The following DHH variants were observed in gnomAD, a reference collection of about 807,000 sequenced individuals.
DHH encodes desert hedgehog protein.
In DHH, 16 loss-of-function variants were observed where a neutral mutation model predicts 27.6. The observed-to-expected ratio is 0.58, with a 90% CI of 0.39 to 0.88. The LOEUF is 0.88. DHH is among the 40% of genes least tolerant of loss of function. DHH has a pLI of 0.00. For synonymous variants in DHH, 289 were observed against 263.4 expected, an observed-to-expected ratio of 1.10 and a Z score of -0.94; for missense variants, 436 against 563.1, an observed-to-expected ratio of 0.77 and a Z score of 2.28.
chr12:49,088,803 C>T lies in DHH; in HGVS notation c.*1056G>A, dbSNP rs1939247214. 6.6e-6 allele frequency among the ~76,000 whole-genome samples: 1 copy of T among 152,254 alleles called. No homozygotes were observed. Among genetic ancestry groups the T allele is most frequent in the African/African-American group, 2.4e-5 (1 of 41,534 alleles). ...AGCTCGGGTTGTAATGCTGATATGC[C>T]CTTGTTTAGGGAATCTACTTCCCCC... On this transcript the variant is annotated 3_prime_UTR_variant, in exon 3 of 3. Transcript: ENST00000649637.
At position 49,089,823 on chromosome 12, in the gene DHH, T is replaced by G; in HGVS notation, c.*36A>C. On this transcript the variant is annotated 3_prime_UTR_variant, in exon 3 of 3. Coordinates refer to ENST00000649637, the MANE Select transcript of DHH (RefSeq NM_021044.4). ...ATATCTCAGCCAGCAGGCCCTCGTT[T>G]CCTCGGGCGCTTCGAGGTTTCTATG... 6.7e-7 allele frequency: 1 copy of G among 1,499,554 alleles called. No individual in the cohort carries two copies. The highest frequency in any genetic ancestry group is 8.9e-7 in the Non-Finnish European group (1 of 1,118,928). 92.9% of individuals were successfully genotyped at this position (1,499,554 alleles called of 1,614,324 possible).
chr12:49,088,329 C>A lies in DHH; in HGVS notation c.*1530G>T, dbSNP rs1323018405. On this transcript the variant is annotated 3_prime_UTR_variant, in exon 3 of 3. Coordinates refer to ENST00000649637, the MANE Select transcript of DHH (RefSeq NM_021044.4). Reference sequence around the variant, plus strand: ...ACCCATCATCTCTCCCTCCTGGGAGCGGGCTCCTTTGCGCAGGTCCAGTAC... The same window carrying A: ...ACCCATCATCTCTCCCTCCTGGGAGAGGGCTCCTTTGCGCAGGTCCAGTAC... Among the ~76,000 whole-genome samples, 8 of 152,302 alleles carry A rather than the reference C, an allele frequency of 5.3e-5. No homozygotes were observed. The highest frequency in any genetic ancestry group is 1.0e-4 in the Non-Finnish European group (7 of 68,020).
intron 1 of DHH, 26 bp downstream of exon 1, chr12:49,094,184 C>A (rs368930075): frequency 2.5e-6 from 4 of 1,612,782 alleles, no homozygotes; most frequent in Non-Finnish European, 2.5e-6. Context: ...AGTGCCCCGG[C>A]GCAGGTAGGG....
rs1939244005 is a variant in DHH at position 49,088,562 on chromosome 12, C to T, written c.*1297G>A. Among the ~76,000 whole-genome samples the T allele has an allele frequency of 6.6e-6, 1 of 152,214 alleles. No homozygotes were observed. On this transcript the variant is annotated 3_prime_UTR_variant, in exon 3 of 3. Coordinates refer to ENST00000649637, the MANE Select transcript of DHH (RefSeq NM_021044.4). Reference sequence around the variant, plus strand: ...CCCCGCCTCACCTCCACCCAAGACACTTCCCTTCTGGAGCAGCCCAGCTTC... The same window carrying T: ...CCCCGCCTCACCTCCACCCAAGACATTTCCCTTCTGGAGCAGCCCAGCTTC...
chr12:49,087,856 G>A lies in DHH; in HGVS notation c.*2003C>T, dbSNP rs1939233116. ...AGGAAGGCACCAGATCTGATAAAAA[G>A]AGACAAGGGCAGGTTTAGAAAGTAG... is the stretch of plus-strand genomic sequence containing the variant. On this transcript the variant is annotated 3_prime_UTR_variant, in exon 3 of 3. Coordinates refer to ENST00000649637, the MANE Select transcript of DHH (RefSeq NM_021044.4). Among the ~76,000 whole-genome samples the A allele has an allele frequency of 6.6e-6, 1 of 151,798 alleles. No individual in the cohort carries two copies. Among genetic ancestry groups the A allele is most frequent in the Non-Finnish European group, 1.5e-5 (1 of 68,026 alleles).
In DHH at chr12:49,091,112, C is replaced by T. The variant is rs1316686438; in HGVS notation, c.565+16G>A. ...GCCCCCTTTGGGCGGATTTTACCAC[C>T]CTCCTCCTACTGTACCAGCTTTGAC... On this transcript the variant is annotated intron_variant, in intron 2 of 2. Coordinates refer to ENST00000649637, the MANE Select transcript of DHH (RefSeq NM_021044.4). This position sits in a 1 kb window ranked among gnomAD's most constrained non-coding sequence, Gnocchi z 4.8. 5.0e-6 allele frequency: 8 copies of T among 1,614,224 alleles called. No individual in the cohort carries two copies. Among genetic ancestry groups the T allele is most frequent in the South Asian group, 1.1e-5 (1 of 91,088 alleles).
In DHH at chr12:49,089,950, C is replaced by T; in HGVS notation, c.1100G>A (p.Gly367Glu). ...FAPLRLLHAL[G>E]ALLPGGAVQP... ...GACGGCCCCGCCGGGGAGCAGCGCCCCTAGCGCGTGCAGCAGTCTCAAGGG... is the reference window on the plus strand; with the variant it reads ...GACGGCCCCGCCGGGGAGCAGCGCCTCTAGCGCGTGCAGCAGTCTCAAGGG... The change falls in exon 3 of 3, where the codon GGG (glycine) becomes GAG (glutamate). Residue 367 changes from glycine (G) to glutamate (E), a missense_variant. By Grantham distance (98) the Gly-to-Glu change is moderately conservative. Transcript: ENST00000649637. 1.3e-6 allele frequency: 2 copies of T among 1,580,166 alleles called. No homozygotes were observed. Among genetic ancestry groups the T allele is most frequent in the Non-Finnish European group, 1.7e-6 (2 of 1,163,982 alleles).
At position 49,094,385 on chromosome 12, in the gene DHH, A is replaced by G; in HGVS notation, c.128T>C (p.Leu43Pro). 2 of 1,612,538 alleles carry G rather than the reference A, an allele frequency of 1.2e-6. No individual in the cohort carries two copies. The highest frequency in any genetic ancestry group is 1.7e-6 in the Non-Finnish European group (2 of 1,179,694). Residue 43 changes from leucine to proline, a missense_variant, in exon 1 of 3, where the codon CTA becomes CCA. Leu to Pro is a moderately conservative substitution (Grantham distance 98). Coordinates refer to ENST00000649637, the MANE Select transcript of DHH (RefSeq NM_021044.4). ...RRYARKQLVPLLYKQFVPGVP... is the reference protein window; with the variant it reads ...RRYARKQLVPPLYKQFVPGVP... ...GCCGGGCACAAATTGCTTGTAGAGT[A>G]GCGGCACGAGCTGCTTGCGCGCATA...
rs2120829346 is a variant in DHH at position 49,091,468 on chromosome 12, T to A, written c.304-79A>T. On this transcript the variant is annotated intron_variant, in intron 1 of 2. Transcript: ENST00000649637. The surrounding 1 kb of genome is among the most constrained non-coding windows in gnomAD (Gnocchi z 4.8). ...GACCTGGATAGGAGGGTTGATTCTT[T>A]GTTATTCCGGCCCTACTCTTACCCC... 1.3e-5 allele frequency: 21 copies of A among 1,574,546 alleles called. No homozygotes were observed. In the South Asian group the frequency reaches 2.4e-4, roughly 18 times the overall value.
rs1166788804 is a variant in DHH, at chr12:49,094,684, CG to C, written c.-173del. On this transcript the variant is annotated 5_prime_UTR_variant, in exon 1 of 3. Coordinates refer to ENST00000649637, the MANE Select transcript of DHH (RefSeq NM_021044.4). ...TGCTGCTAGCTCTGCCCACGTGCCC[CG>C]GGAGCGGGCGGGGGGTGTCTAGGAC... 12 of 790,266 alleles carry C rather than the reference CG, an allele frequency of 1.5e-5. No homozygotes were observed. The Admixed American group carries it at 2.4e-4, about 16-fold the overall frequency. 49.0% of individuals were successfully genotyped at this position (790,266 alleles called of 1,614,324 possible).
rs138814945 is a variant in DHH, at chr12:49,094,403, C to G, written c.110G>C (p.Arg37Pro). 1 of 1,611,532 alleles carries G rather than the reference C, an allele frequency of 6.2e-7. No homozygotes were observed. The highest frequency in any genetic ancestry group is 1.7e-5 in the Admixed American group (1 of 59,936). The stretch of plus-strand genomic sequence containing the variant: ...GTAGAGTAGCGGCACGAGCTGCTTG[C>G]GCGCATAGCGGCGCCGGCCAACCGG... ...RGPVGRRRYA[R>P]KQLVPLLYKQ... The change falls in exon 1 of 3, where the codon CGC becomes CCC. Residue 37 changes from arginine to proline, a missense_variant. Coordinates refer to ENST00000649637, the MANE Select transcript of DHH (RefSeq NM_021044.4).
rs866249271 is a variant in DHH, at chr12:49,089,476, G to T, written c.*383C>A. 28 of 174,120 alleles carry T rather than the reference G, an allele frequency of 1.6e-4. No homozygotes were observed. Among genetic ancestry groups the T allele is most frequent in the Admixed American group, 5.0e-4 (8 of 15,848 alleles). 10.8% of individuals were successfully genotyped at this position (174,120 alleles called of 1,614,324 possible). A position where few individuals can be genotyped will look rare whatever the true frequency, so the allele number is the denominator to read the frequency against. On this transcript the variant is annotated 3_prime_UTR_variant, in exon 3 of 3. Coordinates refer to ENST00000649637, the MANE Select transcript of DHH (RefSeq NM_021044.4). ...TTATTAGCCCACCTTGCAGGAAAAC[G>T]TCAGATGTCAGACTGGCTGGCTGTG... is the stretch of plus-strand genomic sequence containing the variant.
chr12:49,093,551 TGATTCTCA>T (rs1939340827), intron 1 of DHH, among the ~76,000 whole-genome samples: 1 of 152,212 alleles, frequency 6.6e-6, no homozygotes, highest in South Asian at 2.1e-4. Flanking sequence ...AGGAGCCCTC[TGATTCTCA>T]GGTGGGTCCA....
chr12:49,089,480 G>C lies in DHH; in HGVS notation c.*379C>G. 1 of 178,458 alleles carries C rather than the reference G, an allele frequency of 5.6e-6. No individual in the cohort carries two copies. Among genetic ancestry groups the C allele is most frequent in the Non-Finnish European group, 1.2e-5 (1 of 85,740 alleles). 11.1% of individuals were successfully genotyped at this position (178,458 alleles called of 1,614,324 possible). On this transcript the variant is annotated 3_prime_UTR_variant, in exon 3 of 3. Coordinates refer to ENST00000649637, the MANE Select transcript of DHH (RefSeq NM_021044.4). Reference sequence around the variant, plus strand: ...TAGCCCACCTTGCAGGAAAACGTCAGATGTCAGACTGGCTGGCTGTGTCAG... The same window carrying C: ...TAGCCCACCTTGCAGGAAAACGTCACATGTCAGACTGGCTGGCTGTGTCAG...
Position 49,090,579 on chromosome 12 carries a change from C to G in DHH, c.566-95G>C. ...CAGATATCGCCAGTCATGGACAACA[C>G]AATTTTCCGTTAATCTGACTGGCCC... On this transcript the variant is annotated intron_variant, in intron 2 of 2. Coordinates refer to ENST00000649637, the MANE Select transcript of DHH (RefSeq NM_021044.4). The surrounding 1 kb of genome is among the most constrained non-coding windows in gnomAD (Gnocchi z 5.2). The G allele has an allele frequency of 6.6e-7, 1 of 1,519,506 alleles. No individual in the cohort carries two copies. The highest frequency in any genetic ancestry group is 1.4e-5 in the African/African-American group (1 of 73,358). The allele number at this position is 1,519,506 out of a possible 1,614,324, so 94.1% of individuals were successfully genotyped here. A position where few individuals can be genotyped will look rare whatever the true frequency, so the allele number is the denominator to read the frequency against.
Position 49,089,147 on chromosome 12 carries a change from G to T in DHH, c.*712C>A, listed in dbSNP as rs561326469. Among the ~76,000 whole-genome samples, 4 of 152,382 alleles carry T rather than the reference G, an allele frequency of 2.6e-5. No homozygotes were observed. The highest frequency in any genetic ancestry group is 9.6e-5 in the African/African-American group (4 of 41,592). On this transcript the variant is annotated 3_prime_UTR_variant, in exon 3 of 3. Transcript: ENST00000649637. ...GCCCCTATAAACAGAGAAGAGGTGTGCACAGTCTTTCCCACCTGGGACAAC... is the reference window on the plus strand; with the variant it reads ...GCCCCTATAAACAGAGAAGAGGTGTTCACAGTCTTTCCCACCTGGGACAAC...
In DHH at chr12:49,091,180, G is replaced by A. The variant is rs1196657282; in HGVS notation, c.513C>T (p.Phe171=). The change falls in exon 2 of 3, where the codon TTC becomes TTT. Residue 171 remains phenylalanine (F), a synonymous_variant. Transcript: ENST00000649637. The surrounding 1 kb of genome is among the most constrained non-coding windows in gnomAD (Gnocchi z 4.8). ...TGCGGGACTCGTAGTAGACCCAGTC[G>A]AAGCCGGCTTCCACTGCGAGGCGCG... ...LLARLAVEAG[F]DWVYYESRNH... 1.2e-6 allele frequency: 2 copies of A among 1,614,242 alleles called. No homozygotes were observed. The highest frequency in any genetic ancestry group is 1.7e-6 in the Non-Finnish European group (2 of 1,180,046).
rs151337297 is a variant in DHH, at chr12:49,090,707, G to T, written c.566-223C>A. The stretch of plus-strand genomic sequence containing the variant: ...TGTATGTATGTATGTATGTATGTAT[G>T]TATGTATTTTGAGATAGAATCTCGC... On this transcript the variant is annotated intron_variant, in intron 2 of 2. Coordinates refer to ENST00000649637, the MANE Select transcript of DHH (RefSeq NM_021044.4). The surrounding 1 kb of genome is among the most constrained non-coding windows in gnomAD (Gnocchi z 5.2). Among the ~76,000 whole-genome samples, 875 of 147,742 alleles carry T rather than the reference G, an allele frequency of 5.9e-3. 5 individuals are homozygous for T. The highest frequency in any genetic ancestry group is 0.038 in the South Asian group (163 of 4,282).
Position 49,090,231 on chromosome 12 carries a change from C to T in DHH, c.819G>A (p.Val273=), listed in dbSNP as rs1182054435. Residue 273 remains valine (V), a synonymous_variant, in exon 3 of 3, where the codon GTG becomes GTA. Coordinates refer to ENST00000649637, the MANE Select transcript of DHH (RefSeq NM_021044.4). The surrounding 1 kb of genome is among the most constrained non-coding windows in gnomAD (Gnocchi z 5.2). Reference sequence around the variant, plus strand: ...CGGGCGCCGGCCCTCGAGCGGCAAACACCAGGTGCCAGGGCGTGAGCAACA... The same window carrying T: ...CGGGCGCCGGCCCTCGAGCGGCAAATACCAGGTGCCAGGGCGTGAGCAACA... ...RKLLLTPWHL[V]FAARGPAPAP... 6.4e-7 allele frequency: 1 copy of T among 1,559,584 alleles called. No individual in the cohort carries two copies.
Sources: gnomAD v4.1 joint callset for allele counts (sites outside exome capture counted in the v4.1 genomes callset) on GRCh38, gnomAD v4.1.1 for gene constraint, Gnocchi (gnomAD v3.1) non-coding constraint, MANE v1.5 for transcripts, NCBI Gene and HGNC (gene_info 2026-07-23, HGNC 2026-07-21) for gene names.